ZNF613: variants seen among roughly 807,000 people sequenced by gnomAD.
ZNF613 encodes zinc finger protein 613.
In ZNF613, 8 loss-of-function variants were observed where a neutral mutation model predicts 14.3. That is an observed-to-expected ratio of 0.56 (90% confidence interval 0.33 to 1.01). The LOEUF (loss-of-function observed/expected upper bound fraction) is 1.01, where lower values mean the gene tolerates loss of function less well. ZNF613 is among the 50% of genes least tolerant of loss of function. The probability of loss-of-function intolerance (pLI) is 0.03; values close to 1 mark genes in which losing one functional copy is unlikely to be tolerated. For missense variants in ZNF613, 656 were observed against 741.9 expected, an observed-to-expected ratio of 0.88 and a Z score of 1.35; for synonymous variants, 228 against 254.5, an observed-to-expected ratio of 0.90 and a Z score of 0.99.
At chr19:51,938,725 G>GATAGATAT (rs1413058995) in intron 3 of ZNF613, among the ~76,000 whole-genome samples, 171 of 118,876 alleles carry the variant, frequency 1.4e-3, no homozygotes, top group Non-Finnish European at 1.9e-3. Context: ...AATGTACATG[G>GATAGATAT]ATATATATAT....
Position 51,929,817 on chromosome 19 carries a change from G to A in ZNF613, c.-273G>A, listed in dbSNP as rs1315051426. 3.3e-5 allele frequency: 5 copies of A among 152,112 alleles called. No homozygotes were observed. Among genetic ancestry groups the A allele is most frequent in the Admixed American group, 6.5e-5 (1 of 15,278 alleles). 9.4% of individuals were successfully genotyped at this position (152,112 alleles called of 1,614,324 possible). ...TCTCCTTGGCCTCCTAAAGTGCTGG[G>A]ATTCCAGGTGTGAGCCACTTCACCC... On this transcript the variant is annotated 5_prime_UTR_variant, in exon 2 of 6. Coordinates refer to ENST00000293471, the MANE Select transcript of ZNF613 (RefSeq NM_001031721.4).
intron 5 of ZNF613, among the ~76,000 whole-genome samples, chr19:51,941,316 G>A (rs1240300836): frequency 6.6e-6 from 1 of 152,096 alleles, no homozygotes; most frequent in Admixed American, 6.6e-5. Context: ...ATCATTTCTT[G>A]TTCCCCCATC....
Position 51,945,912 on chromosome 19 carries a change from T to G in ZNF613, c.*175T>G, listed in dbSNP as rs187708116. The G allele has an allele frequency of 6.1e-6, 4 of 657,910 alleles. No homozygotes were observed. The Admixed American group carries it at 1.2e-4, about 19-fold the overall frequency. The allele number at this position is 657,910 out of a possible 1,614,324, so 40.8% of individuals were successfully genotyped here. On this transcript the variant is annotated 3_prime_UTR_variant, in exon 6 of 6. Transcript: ENST00000293471. ...ATAGTATGAAGTGGAGACTGGGAAA[T>G]TCTTTTATGGGAAGATAGATCTTCT... is the stretch of plus-strand genomic sequence containing the variant.
chr19:51,937,855 G>A (rs1285248395), intron 3 of ZNF613, among the ~76,000 whole-genome samples: 2 of 149,604 alleles, frequency 1.3e-5, no homozygotes, highest in South Asian at 2.1e-4. Context: ...TCAGCCTCCC[G>A]AGTAGCTGAG....
At chr19:51,931,196 T>G (rs1191133433) in intron 2 of ZNF613, among the ~76,000 whole-genome samples, 1 of 152,222 alleles carries the variant, frequency 6.6e-6, no homozygotes, top group African/African-American at 2.4e-5. Context: ...TGCATGCATG[T>G]GTCGCTATTT....
intron 2 of ZNF613, among the ~76,000 whole-genome samples, chr19:51,932,213 C>T (rs1289918271): frequency 6.6e-6 from 1 of 150,756 alleles, no homozygotes; most frequent in East Asian, 2.0e-4. Context: ...ATTCTGTACT[C>T]GTGATAAACA....
At chr19:51,928,155 T>A (rs564984380) in intron 1 of ZNF613, among the ~76,000 whole-genome samples, 32 of 152,274 alleles carry the variant, frequency 2.1e-4, no homozygotes, top group African/African-American at 7.7e-4. Context: ...CTCCAACTCC[T>A]GGCCTCAAAC....
At chr19:51,942,067 C>T (rs541173001) in intron 5 of ZNF613, among the ~76,000 whole-genome samples, 2 of 152,314 alleles carry the variant, frequency 1.3e-5, no homozygotes, top group South Asian at 4.1e-4. Context: ...GGAAATTTCT[C>T]ATCTGTCAGG....
chr19:51,939,402 C>T (rs1392232022), intron 3 of ZNF613, among the ~76,000 whole-genome samples: 1 of 152,052 alleles, frequency 6.6e-6, no homozygotes, highest in Non-Finnish European at 1.5e-5. Flanking sequence ...GATCTTGGCT[C>T]ACTGCAACCT....
chr19:51,929,355 G>A (rs1345166692), intron 1 of ZNF613, among the ~76,000 whole-genome samples: 1 of 152,050 alleles, frequency 6.6e-6, no homozygotes, highest in Non-Finnish European at 1.5e-5. Context: ...TTAAGAATGG[G>A]TTACAATTCT....
intron 5 of ZNF613, among the ~76,000 whole-genome samples, chr19:51,943,819 G>A (rs1410709760): frequency 1.3e-5 from 2 of 152,188 alleles, no homozygotes; most frequent in Non-Finnish European, 2.9e-5. Context: ...TAGACAAAGG[G>A]TGTGAGACAA....
chr19:51,935,482 C>T (rs1316663841), intron 2 of ZNF613, among the ~76,000 whole-genome samples: 2 of 152,118 alleles, frequency 1.3e-5, no homozygotes, highest in Non-Finnish European at 2.9e-5. Context: ...AATCTGTAAG[C>T]CTTAGGTCAA....
At chr19:51,930,184 C>G (rs2085252873) in intron 2 of ZNF613, among the ~76,000 whole-genome samples, 1 of 152,092 alleles carries the variant, frequency 6.6e-6, no homozygotes, top group African/African-American at 2.4e-5. Context: ...CTGTTTTCTT[C>G]TAATTTACTC....
chr19:51,942,490 G>A (rs2122823685), intron 5 of ZNF613, among the ~76,000 whole-genome samples: 1 of 152,272 alleles, frequency 6.6e-6, no homozygotes, highest in East Asian at 1.9e-4. Context: ...TCCCCCTGGT[G>A]AATTACCTTC....
intron 3 of ZNF613, 140 bp from the exon 4 acceptor site, chr19:51,940,069 A>G: frequency 9.3e-7 from 1 of 1,075,388 alleles, no homozygotes; most frequent in South Asian, 1.4e-5. Context: ...CCTCTATGAC[A>G]ATGTATTTTT....
In ZNF613 at chr19:51,944,238, G is replaced by T; in HGVS notation, c.355G>T (p.Asp119Tyr). ...AAACATCATTCATCAGAGGAAAAGT[G>T]ATTTTCCTTTAAGGCAAAATCATGA... is the stretch of plus-strand genomic sequence containing the variant. ...FGNIIHQRKS[D>Y]FPLRQNHDTF... is the part of the protein sequence containing the mutation. Residue 119 changes from aspartate (D) to tyrosine (Y), a missense_variant, in exon 6 of 6, where the codon GAT becomes TAT. Physicochemically the swap from Asp to Tyr is radical, Grantham distance 160. Coordinates refer to ENST00000293471, the MANE Select transcript of ZNF613 (RefSeq NM_001031721.4). 3 of 1,610,988 alleles carry T rather than the reference G, an allele frequency of 1.9e-6. No individual in the cohort carries two copies. The highest frequency in any genetic ancestry group is 1.1e-5 in the South Asian group (1 of 90,388).
At chr19:51,932,572 C>T (rs2085275060) in intron 2 of ZNF613, among the ~76,000 whole-genome samples, 2 of 152,154 alleles carry the variant, frequency 1.3e-5, no homozygotes, top group African/African-American at 4.8e-5. Context: ...CCTGGGATTA[C>T]AGGCGTGAGC....
rs764514559 is a variant in ZNF613 at position 51,945,302 on chromosome 19, C to A, written c.1419C>A (p.Asn473Lys). 4.3e-6 allele frequency: 7 copies of A among 1,611,276 alleles called. No individual in the cohort carries two copies. The highest frequency in any genetic ancestry group is 5.1e-6 in the Non-Finnish European group (6 of 1,179,084). The stretch of plus-strand genomic sequence containing the variant: ...GCTCACACAAGTCAGGTCTCATTAA[C>A]CACCAGAGAATTCACACAGGAGAGA... Reference protein sequence around the residue: ...KSCSHKSGLINHQRIHTGEKP... With the variant: ...KSCSHKSGLIKHQRIHTGEKP... Residue 473 changes from asparagine (N) to lysine (K), a missense_variant, in exon 6 of 6, where the codon AAC becomes AAA. By Grantham distance (94) the Asn-to-Lys change is moderately conservative. Transcript: ENST00000293471.
At chr19:51,942,829 G>A (rs7248025) in intron 5 of ZNF613, 22,257 of 151,986 alleles carry the variant, frequency 0.15, 2,002 homozygotes, top group South Asian at 0.26. Context: ...CTCCCAAGTC[G>A]CTGGGACTAC....
Sources: allele counts gnomAD v4.1 joint callset (sites outside exome capture counted in the v4.1 genomes callset), GRCh38; gene constraint gnomAD v4.1.1; transcripts MANE v1.5; gene names NCBI Gene and HGNC (gene_info 2026-07-23, HGNC 2026-07-21).